The following KCNQ5 variants were observed in gnomAD, a reference collection of about 807,000 sequenced individuals.
KCNQ5 encodes the protein potassium voltage-gated channel subfamily KQT member 5.
Under a neutral mutation model 98.2 loss-of-function variants are expected in KCNQ5, and 30 were observed. That is an observed-to-expected ratio of 0.31 (90% CI 0.23 to 0.41). The LOEUF (loss-of-function observed/expected upper bound fraction) is 0.41. Ranked by LOEUF, KCNQ5 falls within the 10% of genes least tolerant of loss-of-function variation. The probability of loss-of-function intolerance (pLI) is 1.00; values close to 1 mark genes in which losing one functional copy is unlikely to be tolerated. For missense variants in KCNQ5, 835 were observed against 1,182.5 expected (o/e 0.71, Z 4.31); for synonymous variants, 458 against 449.4 (o/e 1.02, Z -0.24).
intron 1 of KCNQ5, among the ~76,000 whole-genome samples, chr6:72,855,041 A>C (rs1777467360): frequency 6.6e-6 from 1 of 151,960 alleles, no homozygotes; most frequent in African/African-American, 2.4e-5. Flanking sequence ...CCATTGTTTT[A>C]TCATCAATTA....
chr6:72,894,852 C>G (rs1163092391), intron 1 of KCNQ5, among the ~76,000 whole-genome samples: 1 of 151,958 alleles, frequency 6.6e-6, no homozygotes, highest in African/African-American at 2.4e-5. Context: ...TTTAGAGTAG[C>G]AATTGATCTC....
At chr6:72,897,134 AG>A (rs1779284760) in intron 1 of KCNQ5, among the ~76,000 whole-genome samples, 1 of 152,116 alleles carries the variant, frequency 6.6e-6, no homozygotes, top group Non-Finnish European at 1.5e-5. Context: ...GCATAGAAGG[AG>A]AAAGAAGGTA....
intron 1 of KCNQ5, chr6:72,987,615 GAACC>G: frequency 1.7e-6 from 1 of 594,098 alleles, no homozygotes; most frequent in South Asian, 1.6e-5. Flanking sequence ...ACCTGCAGCA[GAACC>G]TGCAGCAGGA....
At chr6:73,014,815 T>A (rs1770245830) in intron 2 of KCNQ5, among the ~76,000 whole-genome samples, 1 of 152,070 alleles carries the variant, frequency 6.6e-6, no homozygotes, top group Non-Finnish European at 1.5e-5. Flanking sequence ...GCACATGCAT[T>A]TTTAATTGCT....
At chr6:72,771,723 A>G (rs1378022015) in intron 1 of KCNQ5, among the ~76,000 whole-genome samples, 2 of 151,256 alleles carry the variant, frequency 1.3e-5, no homozygotes, top group Admixed American at 1.3e-4. Context: ...TATGCAATAA[A>G]AATGGCTTCT....
At chr6:73,046,841 C>T in intron 3 of KCNQ5, among the ~76,000 whole-genome samples, 1 of 152,088 alleles carries the variant, frequency 6.6e-6, no homozygotes, top group East Asian at 1.9e-4. Context: ...TAGGATTTCA[C>T]CGTGTTGGCC....
At chr6:72,808,215 G>T (rs900555306) in intron 1 of KCNQ5, among the ~76,000 whole-genome samples, 7 of 152,160 alleles carry the variant, frequency 4.6e-5, no homozygotes, top group African/African-American at 1.7e-4. Context: ...ATCTAAGAAA[G>T]AAGAAGTTGT....
At chr6:72,730,507 A>G (rs1308454758) in intron 1 of KCNQ5, among the ~76,000 whole-genome samples, 1 of 152,218 alleles carries the variant, frequency 6.6e-6, no homozygotes, top group Non-Finnish European at 1.5e-5. Context: ...GGTGTAATGT[A>G]AGATAGGGAT....
At chr6:73,012,570 G>A (rs932359116) in intron 2 of KCNQ5, among the ~76,000 whole-genome samples, 2 of 151,998 alleles carry the variant, frequency 1.3e-5, no homozygotes, top group Non-Finnish European at 2.9e-5. Context: ...GTAACATTAC[G>A]AATGTATTTA....
intron 1 of KCNQ5, among the ~76,000 whole-genome samples, chr6:72,961,204 T>C (rs867273232): frequency 3.9e-5 from 6 of 152,354 alleles, no homozygotes; most frequent in African/African-American, 1.2e-4. Flanking sequence ...CATTATATAC[T>C]GTGGATAAGA....
intron 11 of KCNQ5, among the ~76,000 whole-genome samples, chr6:73,189,110 T>C (rs1442389390): frequency 6.6e-6 from 1 of 152,174 alleles, no homozygotes; most frequent in Non-Finnish European, 1.5e-5. Context: ...ATTTTGTTAT[T>C]TTTCTCAGTT....
intron 1 of KCNQ5, among the ~76,000 whole-genome samples, chr6:72,826,003 A>G (rs920774134): frequency 4.6e-5 from 7 of 152,142 alleles, no homozygotes; most frequent in African/African-American, 1.7e-4. Flanking sequence ...TGTGCCTGCA[A>G]GCAATCACAC....
At position 73,195,870 on chromosome 6, in the gene KCNQ5, A is replaced by C. The variant is rs930680537; in HGVS notation, c.*456A>C. On this transcript the variant is annotated 3_prime_UTR_variant, in exon 14 of 14. Transcript: ENST00000370398. ...ACAGCTGCTAATAAGGTATCAACTA[A>C]AGCAGAATTGGGGAATAATAGAAAT... The C allele has an allele frequency of 1.9e-5, 3 of 162,156 alleles. No homozygotes were observed. The highest frequency in any genetic ancestry group is 2.8e-5 in the Non-Finnish European group (2 of 72,698). 10.0% of individuals were successfully genotyped at this position (162,156 alleles called of 1,614,324 possible). A position where few individuals can be genotyped will look rare whatever the true frequency, so the allele number is the denominator to read the frequency against.
intron 2 of KCNQ5, among the ~76,000 whole-genome samples, chr6:73,025,110 C>T (rs1340450258): frequency 6.6e-6 from 1 of 152,192 alleles, no homozygotes; most frequent in African/African-American, 2.4e-5. Flanking sequence ...AAAGTCTCTA[C>T]TCCCCAGCTT....
chr6:72,816,660 G>T (rs1775522087), intron 1 of KCNQ5, among the ~76,000 whole-genome samples: 1 of 152,198 alleles, frequency 6.6e-6, no homozygotes, highest in Non-Finnish European at 1.5e-5. Context: ...AACATGGTCT[G>T]CCAAACAGCT....
In KCNQ5 at chr6:72,762,778, T is replaced by C. The variant is rs142621685; in HGVS notation, c.398+140191T>C. Among the ~76,000 whole-genome samples, 623 of 152,214 alleles carry C rather than the reference T, an allele frequency of 4.1e-3. 6 individuals carry two copies. Among genetic ancestry groups the C allele is most frequent in the African/African-American group, 0.013 (530 of 41,558 alleles). On this transcript the variant is annotated intron_variant, in intron 1 of 13. Coordinates refer to ENST00000370398, the MANE Select transcript of KCNQ5 (RefSeq NM_019842.4). ...TTGCTGCTGTTTGAATAACTAACATTTACTGCTGTATCTCATGAATTATTT... is the reference window on the plus strand; with the variant it reads ...TTGCTGCTGTTTGAATAACTAACATCTACTGCTGTATCTCATGAATTATTT...
intron 1 of KCNQ5, among the ~76,000 whole-genome samples, chr6:72,968,368 G>A (rs1767718391): frequency 6.6e-6 from 1 of 151,972 alleles, no homozygotes; most frequent in Non-Finnish European, 1.5e-5. Flanking sequence ...AGTACTGAAA[G>A]TGTAGAGAAG....
In KCNQ5 at chr6:72,646,302, A is replaced by T. The variant is rs565021059; in HGVS notation, c.398+23715A>T. On this transcript the variant is annotated intron_variant, in intron 1 of 13. Coordinates refer to ENST00000370398, the MANE Select transcript of KCNQ5 (RefSeq NM_019842.4). Reference sequence around the variant, plus strand: ...TGTGAAAAATACATCTTCATTTGATAAAAAAAAGTCAACAGGCTTATAAAG... The same window carrying T: ...TGTGAAAAATACATCTTCATTTGATTAAAAAAAGTCAACAGGCTTATAAAG... Among the ~76,000 whole-genome samples, 12 of 140,804 alleles carry T rather than the reference A, an allele frequency of 8.5e-5. No individual in the cohort carries two copies. The East Asian group carries it at 1.6e-3, about 19-fold the overall frequency. 92.4% of individuals were successfully genotyped at this position (140,804 alleles called of 152,430 possible). A position where few individuals can be genotyped will look rare whatever the true frequency, so the allele number is the denominator to read the frequency against.
Position 73,159,993 on chromosome 6 carries a change from T to TTTTGTTTGTTTG in KCNQ5, c.1469-9729_1469-9718dup, listed in dbSNP as rs72448817. On this transcript the variant is annotated intron_variant, in intron 10 of 13. Coordinates refer to ENST00000370398, the MANE Select transcript of KCNQ5 (RefSeq NM_019842.4). ...AAACAAGTGTTTCCGCTATGGTTTTTTTTGTTTGTTTGTTTGTTTGTTTGT... is the reference window on the plus strand; with the variant it reads ...AAACAAGTGTTTCCGCTATGGTTTTTTTTGTTTGTTTGTTTGTTTGTTTGTTTGTTTGTTTGT... 2.2e-5 allele frequency among the ~76,000 whole-genome samples: 3 copies of TTTTGTTTGTTTG among 136,404 alleles called. No individual in the cohort carries two copies. In the South Asian group the frequency reaches 6.6e-4, roughly 30 times the overall value. The allele number at this position is 136,404 out of a possible 152,430, so 89.5% of individuals were successfully genotyped here.
Sources: gnomAD v4.1 joint callset for allele counts (sites outside exome capture counted in the v4.1 genomes callset) on GRCh38, gnomAD v4.1.1 for gene constraint, MANE v1.5 for transcripts, NCBI Gene and HGNC (gene_info 2026-07-23, HGNC 2026-07-21) for gene names.